ZFHX3: variants seen among roughly 807,000 people sequenced by gnomAD.
The protein encoded by ZFHX3 is zinc finger homeobox protein 3.
In ZFHX3, 42 loss-of-function variants were observed where a neutral mutation model predicts 279.1. The ratio of observed to expected loss-of-function variants is 0.15; its 90% CI spans 0.12 to 0.19. The LOEUF is 0.19. Among genes scored for constraint, ZFHX3 ranks in the 10% least tolerant of loss-of-function variants. The probability of loss-of-function intolerance (pLI) is 1.00; values close to 1 mark genes in which losing one functional copy is unlikely to be tolerated. For missense variants in ZFHX3, 4,981 were observed against 4,754.0 expected, an observed-to-expected ratio of 1.05 and a Z score of -1.40; for synonymous variants, 2,293 against 1,957.8, an observed-to-expected ratio of 1.17 and a Z score of -4.52.
intron 7 of ZFHX3, among the ~76,000 whole-genome samples, chr16:73,112,265 A>C (rs1966383803): frequency 6.6e-6 from 1 of 152,018 alleles, no homozygotes. Flanking sequence ...GCAGAACCCC[A>C]AGCAGGAGCC....
intron 2 of ZFHX3, among the ~76,000 whole-genome samples, chr16:73,565,312 T>C (rs1025629309): frequency 3.3e-5 from 5 of 151,658 alleles, no homozygotes; most frequent in Non-Finnish European, 7.4e-5. Flanking sequence ...TCTAAGGAAG[T>C]AGTGAGGTTC....
At chr16:73,633,671 C>T (rs1335590336) in intron 2 of ZFHX3, among the ~76,000 whole-genome samples, 3 of 152,226 alleles carry the variant, frequency 2.0e-5, no homozygotes, top group Non-Finnish European at 2.9e-5. Context: ...GTGATTGTGG[C>T]GTGGATTGGC....
chr16:72,893,858 A>G (rs766629827), intron 3 of ZFHX3, among the ~76,000 whole-genome samples: 8 of 152,276 alleles, frequency 5.3e-5, no homozygotes, highest in African/African-American at 1.9e-4. Context: ...ACTTAAAAAA[A>G]TCCAGAATAG....
intron 4 of ZFHX3, among the ~76,000 whole-genome samples, chr16:73,278,454 G>A (rs1001431381): frequency 6.6e-6 from 1 of 152,160 alleles, no homozygotes; most frequent in Non-Finnish European, 1.5e-5. Context: ...AATGAAGCCA[G>A]GGACCATCAA....
At chr16:73,712,497 G>C (rs576877773) in intron 1 of ZFHX3, among the ~76,000 whole-genome samples, 2 of 152,290 alleles carry the variant, frequency 1.3e-5, no homozygotes, top group African/African-American at 4.8e-5. Context: ...TTTGCTCAGG[G>C]AGCACAAGCC....
chr16:73,808,791 G>A (rs1209860714), intron 1 of ZFHX3, among the ~76,000 whole-genome samples: 4 of 152,126 alleles, frequency 2.6e-5, no homozygotes, highest in African/African-American at 7.2e-5. Flanking sequence ...AATTAAGAGT[G>A]GAAAGGGAGC....
intron 4 of ZFHX3, among the ~76,000 whole-genome samples, chr16:72,886,494 T>C (rs953629615): frequency 6.6e-6 from 1 of 152,200 alleles, no homozygotes; most frequent in Non-Finnish European, 1.5e-5. Context: ...GAACTGTTTG[T>C]TCCAGGTCAC....
chr16:73,674,240 T>C (rs1200139652), intron 2 of ZFHX3, among the ~76,000 whole-genome samples: 2 of 151,686 alleles, frequency 1.3e-5, no homozygotes, highest in African/African-American at 2.4e-5. Context: ...TAGAAAATTA[T>C]AAAAAAATAG....
intron 2 of ZFHX3, among the ~76,000 whole-genome samples, chr16:73,481,024 T>G (rs1035043373): frequency 2.6e-5 from 4 of 152,150 alleles, no homozygotes; most frequent in African/African-American, 7.2e-5. Context: ...TTCCCAAATC[T>G]TTAAGAACAA....
intron 1 of ZFHX3, among the ~76,000 whole-genome samples, chr16:73,024,919 GA>G (rs1362273651): frequency 6.6e-6 from 1 of 152,140 alleles, no homozygotes; most frequent in Non-Finnish European, 1.5e-5. Context: ...CCTTGTATGG[GA>G]AGCTCTCTAC....
At chr16:73,283,819 C>T (rs9925094) in intron 4 of ZFHX3, among the ~76,000 whole-genome samples, 1 of 152,044 alleles carries the variant, frequency 6.6e-6, no homozygotes, top group Non-Finnish European at 1.5e-5. Context: ...CCTGGTGGTG[C>T]ATGGTTGTCA....
At chr16:73,356,006 C>G (rs1208813392) in intron 3 of ZFHX3, among the ~76,000 whole-genome samples, 2 of 152,156 alleles carry the variant, frequency 1.3e-5, no homozygotes, top group Admixed American at 6.5e-5. Flanking sequence ...AGCAACCTTT[C>G]CACTGTACAC....
chr16:73,073,990 C>T (rs1886259154), intron 8 of ZFHX3, among the ~76,000 whole-genome samples: 1 of 152,192 alleles, frequency 6.6e-6, no homozygotes, highest in South Asian at 2.1e-4. Flanking sequence ...GCACAGGTTC[C>T]CGACTCCCAG....
At position 72,785,661 on chromosome 16, in the gene ZFHX3, A is replaced by AAAC. The variant is rs921557843; in HGVS notation, c.*1500_*1502dup. The stretch of plus-strand genomic sequence containing the variant: ...TTTTTTTTCTGAGAGAGGAAAGAAA[A>AAAC]AACAAACACAAAACCAAAAACCAAA... On this transcript the variant is annotated 3_prime_UTR_variant, in exon 10 of 10. Transcript: ENST00000268489. 25 of 151,760 alleles carry AAAC rather than the reference A, an allele frequency of 1.6e-4. No individual in the cohort carries two copies. Among genetic ancestry groups the AAAC allele is most frequent in the African/African-American group, 5.3e-4 (22 of 41,520 alleles). 9.4% of individuals were successfully genotyped at this position (151,760 alleles called of 1,614,324 possible).
At chr16:73,329,936 G>A (rs1417926388) in intron 3 of ZFHX3, among the ~76,000 whole-genome samples, 1 of 152,170 alleles carries the variant, frequency 6.6e-6, no homozygotes, top group Non-Finnish European at 1.5e-5. Flanking sequence ...CGTCCTCAGT[G>A]GGCTCTTCTG....
chr16:73,714,757 C>T (rs77565783), intron 1 of ZFHX3, among the ~76,000 whole-genome samples: 4,809 of 152,270 alleles, frequency 0.032, 99 homozygotes, highest in African/African-American at 0.053. Context: ...CACTTCCCCT[C>T]CTTTCCAAAA....
At chr16:73,784,936 G>A (rs1440640533) in intron 1 of ZFHX3, among the ~76,000 whole-genome samples, 2 of 151,608 alleles carry the variant, frequency 1.3e-5, no homozygotes, top group South Asian at 2.1e-4. Context: ...GCTTCCCAGA[G>A]GAAACCACTT....
At chr16:73,635,385 T>C (rs1312576966) in intron 2 of ZFHX3, among the ~76,000 whole-genome samples, 1 of 152,216 alleles carries the variant, frequency 6.6e-6, no homozygotes, top group African/African-American at 2.4e-5. Flanking sequence ...CAGAGCTGCA[T>C]GTTACTCAAG....
rs1567550553 is a variant in ZFHX3, at chr16:73,682,902, GAAAGAGAAAGAAAGAGAGAA to G, written c.-1607-2682_-1607-2663del. Among the ~76,000 whole-genome samples, 104 of 51,582 alleles carry G rather than the reference GAAAGAGAAAGAAAGAGAGAA, an allele frequency of 2.0e-3. 5 individuals carry two copies. The highest frequency in any genetic ancestry group is 4.7e-3 in the Admixed American group (32 of 6,848). 33.8% of individuals were successfully genotyped at this position (51,582 alleles called of 152,430 possible). A position where few individuals can be genotyped will look rare whatever the true frequency, so the allele number is the denominator to read the frequency against. On this transcript the variant is annotated intron_variant, in intron 1 of 17. Coordinates refer to the ZFHX3 transcript ENST00000641206. ...AGAAAGAAAGAAAGAAAGAAAGAAAGAAAGAGAAAGAAAGAGAGAAAGAGAAAGAAAGAAAGAAAGAAAGA... is the reference window on the plus strand; with the variant it reads ...AGAAAGAAAGAAAGAAAGAAAGAAAGAGAGAAAGAAAGAAAGAAAGAAAGA...
Sources: gnomAD v4.1 joint callset for allele counts (sites outside exome capture counted in the v4.1 genomes callset) on GRCh38, gnomAD v4.1.1 for gene constraint, MANE v1.5 for transcripts, NCBI Gene and HGNC (gene_info 2026-07-23, HGNC 2026-07-21) for gene names.